PAQR5: variants seen among roughly 807,000 people sequenced by gnomAD.
PAQR5 encodes membrane progestin receptor gamma.
A neutral mutation model predicts 34.5 loss-of-function variants in PAQR5; 20 were observed. The observed-to-expected ratio is 0.58, with a 90% CI of 0.41 to 0.84. PAQR5 has a LOEUF of 0.84. Among genes scored for constraint, PAQR5 ranks in the 40% least tolerant of loss-of-function variants. PAQR5 has a pLI of 0.00. For synonymous variants in PAQR5, 131 were observed against 155.6 expected, an observed-to-expected ratio of 0.84 and a Z score of 1.18; for missense variants, 378 against 412.7, an observed-to-expected ratio of 0.92 and a Z score of 0.73.
At chr15:69,333,232 C>T (rs949122795) in intron 1 of PAQR5, among the ~76,000 whole-genome samples, 1 of 152,006 alleles carries the variant, frequency 6.6e-6, no homozygotes, top group African/African-American at 2.4e-5. Flanking sequence ...CACCACGAAC[C>T]CCGTTTTGGA....
intron 2 of PAQR5, among the ~76,000 whole-genome samples, chr15:69,359,662 G>T (rs1488541237): frequency 1.3e-5 from 2 of 152,046 alleles, no homozygotes; most frequent in Non-Finnish European, 2.9e-5. Flanking sequence ...AGGGTGTGGT[G>T]CCGGCTGTCT....
chr15:69,375,255 CAG>C (rs749739580), intron 3 of PAQR5, among the ~76,000 whole-genome samples: 1 of 152,168 alleles, frequency 6.6e-6, no homozygotes, highest in Non-Finnish European at 1.5e-5. Context: ...TGCCTCTGCA[CAG>C]AGTCACCACT....
At chr15:69,371,443 T>G (rs941398541) in intron 3 of PAQR5, among the ~76,000 whole-genome samples, 1 of 152,186 alleles carries the variant, frequency 6.6e-6, no homozygotes, top group Non-Finnish European at 1.5e-5. Flanking sequence ...CATCGTGCTA[T>G]CTTTACTCCC....
At chr15:69,340,500 T>C (rs2054614797) in intron 2 of PAQR5, among the ~76,000 whole-genome samples, 1 of 151,804 alleles carries the variant, frequency 6.6e-6, no homozygotes, top group South Asian at 2.1e-4. Flanking sequence ...TACTTGGGAG[T>C]TGTTTATAAT....
intron 1 of PAQR5, among the ~76,000 whole-genome samples, chr15:69,333,875 T>TTG (rs540304254): frequency 0.013 from 1,950 of 151,212 alleles, 34 homozygotes; most frequent in African/African-American, 0.04. Context: ...TTCATATGTG[T>TTG]TGTGTGTGTG....
intron 2 of PAQR5, among the ~76,000 whole-genome samples, chr15:69,350,877 C>T (rs959631920): frequency 7.9e-5 from 12 of 152,308 alleles, no homozygotes; most frequent in African/African-American, 2.6e-4. Context: ...GGATCTGTGA[C>T]CCAGGGTAAC....
intron 1 of PAQR5, among the ~76,000 whole-genome samples, chr15:69,308,707 T>G (rs2053768861): frequency 6.6e-6 from 1 of 152,074 alleles, no homozygotes; most frequent in Non-Finnish European, 1.5e-5. Flanking sequence ...TAGATAAGAA[T>G]TAGTTAGGAT....
chr15:69,354,717 C>T (rs535676692), intron 2 of PAQR5, among the ~76,000 whole-genome samples: 23 of 152,222 alleles, frequency 1.5e-4, no homozygotes, highest in East Asian at 1.4e-3. Flanking sequence ...AACTGCTAAG[C>T]GTGATTTCTG....
chr15:69,383,829 G>C (rs2056010048), intron 4 of PAQR5, among the ~76,000 whole-genome samples: 2 of 7,980 alleles, frequency 2.5e-4, no homozygotes, highest in African/African-American at 1.5e-3. Flanking sequence ...TTGTGTTCAT[G>C]GTGGAGGGTG....
chr15:69,322,028 G>A (rs986715350), intron 1 of PAQR5, among the ~76,000 whole-genome samples: 1 of 152,084 alleles, frequency 6.6e-6, no homozygotes, highest in African/African-American at 2.4e-5. Flanking sequence ...TGACATTTGC[G>A]TTTAGCCATA....
chr15:69,396,376 TA>T (rs1026222178), intron 6 of PAQR5, among the ~76,000 whole-genome samples: 49 of 152,008 alleles, frequency 3.2e-4, no homozygotes, highest in African/African-American at 1.1e-3. Flanking sequence ...TCCAGTGTGA[TA>T]GGGGGCAGAA....
chr15:69,366,741 T>G (rs2055413321), intron 3 of PAQR5, among the ~76,000 whole-genome samples: 1 of 152,198 alleles, frequency 6.6e-6, no homozygotes. Context: ...TTTTACCAAT[T>G]TTGTTCTACT....
chr15:69,381,982 G>A (rs2055896455), intron 4 of PAQR5, among the ~76,000 whole-genome samples: 1 of 152,126 alleles, frequency 6.6e-6, no homozygotes. Flanking sequence ...CCTCATGCGT[G>A]GATTGTAGGC....
At chr15:69,388,040 G>C (rs1254893559) in intron 5 of PAQR5, among the ~76,000 whole-genome samples, 1 of 152,168 alleles carries the variant, frequency 6.6e-6, no homozygotes, top group African/African-American at 2.4e-5. Flanking sequence ...GCTTGATGTG[G>C]GGAAGTGTTC....
chr15:69,405,338 T>A lies in PAQR5; in HGVS notation c.*1516T>A, dbSNP rs1277949875. 4.6e-6 allele frequency: 1 copy of A among 216,314 alleles called. No individual in the cohort carries two copies. Among genetic ancestry groups the A allele is most frequent in the Non-Finnish European group, 9.0e-6 (1 of 111,028 alleles). 13.4% of individuals were successfully genotyped at this position (216,314 alleles called of 1,614,324 possible). A position where few individuals can be genotyped will look rare whatever the true frequency, so the allele number is the denominator to read the frequency against. The stretch of plus-strand genomic sequence containing the variant: ...ACTAGCCCAGACATTTGAATGGCCT[T>A]GTAAACAGCTCACTGTCTAATACTC... On this transcript the variant is annotated 3_prime_UTR_variant, in exon 9 of 9. Coordinates refer to ENST00000395407, the MANE Select transcript of PAQR5 (RefSeq NM_017705.4).
chr15:69,303,357 G>A (rs77171167), intron 1 of PAQR5, among the ~76,000 whole-genome samples: 3,701 of 152,170 alleles, frequency 0.024, 53 homozygotes, highest in Middle Eastern at 0.061. Flanking sequence ...TTACCCAAAG[G>A]GGCAGCTCCC....
intron 1 of PAQR5, among the ~76,000 whole-genome samples, chr15:69,324,471 A>G (rs76334050): frequency 0.041 from 6,203 of 152,270 alleles, 265 homozygotes; most frequent in East Asian, 0.15. Context: ...TCCTCATTCA[A>G]GTGATTAGAA....
At chr15:69,324,405 C>T (rs934380057) in intron 1 of PAQR5, among the ~76,000 whole-genome samples, 1 of 152,198 alleles carries the variant, frequency 6.6e-6, no homozygotes, top group African/African-American at 2.4e-5. Flanking sequence ...GAGTCCTTGT[C>T]ATCTGGTAGA....
At chr15:69,357,046 C>A (rs2415042) in intron 2 of PAQR5, among the ~76,000 whole-genome samples, 3 of 151,650 alleles carry the variant, frequency 2.0e-5, no homozygotes, top group South Asian at 2.1e-4. Flanking sequence ...GTGGCATCTC[C>A]CCACCCACTG....
Sources: allele counts gnomAD v4.1 joint callset (sites outside exome capture counted in the v4.1 genomes callset), GRCh38; gene constraint gnomAD v4.1.1; transcripts MANE v1.5; gene names NCBI Gene and HGNC (gene_info 2026-07-23, HGNC 2026-07-21).